The following RCAN2 variants were observed in gnomAD, a reference collection of about 807,000 sequenced individuals.
The protein encoded by RCAN2 is regulator of calcineurin 2.
RCAN2 carries 9 observed loss-of-function variants against 23.6 expected under a neutral mutation model. The ratio of observed to expected loss-of-function variants is 0.38; its 90% confidence interval spans 0.23 to 0.67. RCAN2 has a LOEUF of 0.67. RCAN2 is among the 30% of genes least tolerant of loss of function. RCAN2 has a pLI of 0.51. For synonymous variants in RCAN2, 109 were observed against 115.7 expected, an observed-to-expected ratio of 0.94 and a Z score of 0.37; for missense variants, 273 against 302.3, an observed-to-expected ratio of 0.90 and a Z score of 0.72.
At chr6:46,466,121 G>A (rs941800708) in intron 1 of RCAN2, among the ~76,000 whole-genome samples, 9 of 152,198 alleles carry the variant, frequency 5.9e-5, no homozygotes, top group Admixed American at 5.9e-4. Context: ...TTGCTTAGAA[G>A]AAGCTTAAAG....
At chr6:46,230,988 C>G (rs1399702193) in intron 4 of RCAN2, among the ~76,000 whole-genome samples, 3 of 152,120 alleles carry the variant, frequency 2.0e-5, no homozygotes, top group Non-Finnish European at 4.4e-5. Context: ...CTAAGTGATG[C>G]TGGGAAGGAT....
intron 2 of RCAN2, among the ~76,000 whole-genome samples, chr6:46,427,338 G>A (rs2150415115): frequency 2.0e-5 from 3 of 152,198 alleles, no homozygotes; most frequent in Admixed American, 2.0e-4. Flanking sequence ...GACCTTTTAG[G>A]CCCACATCCC....
At chr6:46,300,640 TTA>T (rs1402176051) in intron 2 of RCAN2, among the ~76,000 whole-genome samples, 4 of 152,072 alleles carry the variant, frequency 2.6e-5, no homozygotes, top group Non-Finnish European at 5.9e-5. Context: ...AAATCATATG[TTA>T]TGACATTTAT....
intron 4 of RCAN2, among the ~76,000 whole-genome samples, chr6:46,235,621 A>C (rs1353762813): frequency 1.3e-5 from 2 of 152,200 alleles, no homozygotes; most frequent in East Asian, 3.9e-4. Context: ...CACGCTTCTT[A>C]GAATTGCCAT....
At chr6:46,343,310 C>T (rs767154595) in intron 2 of RCAN2, among the ~76,000 whole-genome samples, 1 of 151,458 alleles carries the variant, frequency 6.6e-6, no homozygotes, top group Non-Finnish European at 1.5e-5. Context: ...GACCTTCAAA[C>T]ATGAAGGTAA....
At chr6:46,456,692 G>A (rs753247541) in intron 2 of RCAN2, 60 bp downstream of exon 2, 60 of 1,233,684 alleles carry the variant, frequency 4.9e-5, no homozygotes, top group Non-Finnish European at 6.5e-5. Flanking sequence ...TGAACAACAG[G>A]ATTACTTGGA....
intron 2 of RCAN2, among the ~76,000 whole-genome samples, chr6:46,290,645 T>A (rs2150344708): frequency 6.6e-6 from 1 of 152,260 alleles, no homozygotes; most frequent in East Asian, 1.9e-4. Flanking sequence ...TGGAACAAAG[T>A]CTATCTTGAA....
At chr6:46,422,497 A>T (rs1284759620) in intron 2 of RCAN2, among the ~76,000 whole-genome samples, 1 of 152,226 alleles carries the variant, frequency 6.6e-6, no homozygotes, top group Non-Finnish European at 1.5e-5. Flanking sequence ...AAAGAAAATA[A>T]GCCAAAGCCT....
chr6:46,259,903 T>C lies in RCAN2; in HGVS notation c.226-11007A>G, dbSNP rs1005256290. Reference sequence around the variant, plus strand: ...CTCAGTAACAGTCAGATGGAAGAGATGCATAGAGCAAGGTATGCGAGAAGG... The same window carrying C: ...CTCAGTAACAGTCAGATGGAAGAGACGCATAGAGCAAGGTATGCGAGAAGG... On this transcript the variant is annotated intron_variant, in intron 2 of 4. Transcript: ENST00000371374. Among the ~76,000 whole-genome samples, 7 of 152,218 alleles carry C rather than the reference T, an allele frequency of 4.6e-5. No homozygotes were observed. In the East Asian group the frequency reaches 1.2e-3, roughly 25 times the overall value.
intron 1 of RCAN2, among the ~76,000 whole-genome samples, chr6:46,460,636 G>A (rs996909771): frequency 6.6e-6 from 1 of 152,118 alleles, no homozygotes; most frequent in Non-Finnish European, 1.5e-5. Context: ...AGCTACTATT[G>A]TGATTACTAC....
intron 1 of RCAN2, among the ~76,000 whole-genome samples, chr6:46,480,731 T>C (rs1245912710): frequency 6.6e-6 from 1 of 152,060 alleles, no homozygotes; most frequent in Non-Finnish European, 1.5e-5. Context: ...GTTCACGCCA[T>C]TCTCTTGCCT....
At chr6:46,253,945 C>G (rs968868945) in intron 2 of RCAN2, among the ~76,000 whole-genome samples, 1 of 152,078 alleles carries the variant, frequency 6.6e-6, no homozygotes, top group Non-Finnish European at 1.5e-5. Context: ...ATGTGTAGTA[C>G]GCTATACCAT....
chr6:46,429,974 C>G (rs1767143333), intron 2 of RCAN2, among the ~76,000 whole-genome samples: 1 of 152,166 alleles, frequency 6.6e-6, no homozygotes, highest in Admixed American at 6.6e-5. Flanking sequence ...ACAGAAGACT[C>G]AGGAGTGAAG....
At chr6:46,306,713 G>A (rs1286062927) in intron 2 of RCAN2, among the ~76,000 whole-genome samples, 2 of 152,050 alleles carry the variant, frequency 1.3e-5, no homozygotes, top group Non-Finnish European at 2.9e-5. Flanking sequence ...ATTCACTATA[G>A]GAGCTCACTA....
chr6:46,372,801 C>T (rs894400883), intron 2 of RCAN2, among the ~76,000 whole-genome samples: 2 of 152,222 alleles, frequency 1.3e-5, no homozygotes, highest in African/African-American at 4.8e-5. Flanking sequence ...AAAACAACTT[C>T]CCATTTAACT....
chr6:46,483,918 G>A (rs1409796734), intron 1 of RCAN2, among the ~76,000 whole-genome samples: 1 of 152,162 alleles, frequency 6.6e-6, no homozygotes. Flanking sequence ...ATAAAATTTT[G>A]TTTGAACCAC....
intron 2 of RCAN2, among the ~76,000 whole-genome samples, chr6:46,362,127 C>A (rs1765032808): frequency 6.6e-6 from 1 of 152,132 alleles, no homozygotes; most frequent in East Asian, 1.9e-4. Context: ...AAAACAAGAT[C>A]ATGATTGGGA....
intron 1 of RCAN2, among the ~76,000 whole-genome samples, chr6:46,475,502 G>A (rs1263033451): frequency 1.3e-5 from 2 of 152,134 alleles, no homozygotes; most frequent in African/African-American, 4.8e-5. Context: ...ACACTTGAAG[G>A]GAAGTGAAGA....
chr6:46,437,848 G>C (rs771872662), intron 2 of RCAN2, among the ~76,000 whole-genome samples: 3 of 152,130 alleles, frequency 2.0e-5, no homozygotes, highest in Admixed American at 6.5e-5. Flanking sequence ...TCAACACCTA[G>C]AGGCTTCAAT....
Sources: allele counts gnomAD v4.1 joint callset (sites outside exome capture counted in the v4.1 genomes callset), GRCh38; gene constraint gnomAD v4.1.1; transcripts MANE v1.5; gene names NCBI Gene and HGNC (gene_info 2026-07-23, HGNC 2026-07-21).